Variants in GNAQ observed in about 807,000 individuals in gnomAD.
GNAQ encodes the protein G protein subunit alpha q.
Under a neutral mutation model 43.9 loss-of-function variants are expected in GNAQ, and 8 were observed. The ratio of observed to expected loss-of-function variants is 0.18; its 90% CI spans 0.11 to 0.33. The LOEUF is 0.33. GNAQ is among the 10% of genes least tolerant of loss of function. The pLI, the probability that GNAQ is intolerant of heterozygous loss-of-function variation, is 1.00. For synonymous variants in GNAQ, 155 were observed against 170.7 expected (o/e 0.91, Z 0.71); for missense variants, 158 against 450.8 (o/e 0.35, Z 5.88).
At chr9:77,888,528 T>C (rs1828347400) in intron 2 of GNAQ, among the ~76,000 whole-genome samples, 6 of 152,282 alleles carry the variant, frequency 3.9e-5, no homozygotes, top group Middle Eastern at 6.8e-3. Context: ...ATATTTAAAA[T>C]GTCTACTCAT....
chr9:77,724,872 A>C (rs1825373687), intron 6 of GNAQ, among the ~76,000 whole-genome samples: 3 of 151,992 alleles, frequency 2.0e-5, no homozygotes, highest in Admixed American at 2.0e-4. Flanking sequence ...GTATATATAC[A>C]AGCAAATATA....
chr9:77,998,984 C>CG (rs1211793783), intron 1 of GNAQ, among the ~76,000 whole-genome samples: 1 of 144,018 alleles, frequency 6.9e-6, no homozygotes, highest in African/African-American at 2.6e-5. Context: ...CCAGCTACTT[C>CG]GGGGGGCTGA....
chr9:77,797,853 C>G (rs1304872465), intron 3 of GNAQ, among the ~76,000 whole-genome samples: 2 of 152,188 alleles, frequency 1.3e-5, no homozygotes, highest in Non-Finnish European at 2.9e-5. Flanking sequence ...ATTACATACA[C>G]ACCATAGTTC....
At position 77,815,806 on chromosome 9, in the gene GNAQ, T is replaced by A. The variant is rs747884601; in HGVS notation, c.322-36A>T. The A allele has an allele frequency of 2.0e-6, 3 of 1,511,216 alleles. No individual in the cohort carries two copies. The Admixed American group carries it at 5.6e-5, about 28-fold the overall frequency. 93.6% of individuals were successfully genotyped at this position (1,511,216 alleles called of 1,614,324 possible). A position where few individuals can be genotyped will look rare whatever the true frequency, so the allele number is the denominator to read the frequency against. ...AAAAAAAGGCAGTTTTAATACCCTA[T>A]TACTTTCCAAATTTTCTTTGCTTTG... On this transcript the variant is annotated intron_variant, in intron 2 of 6. Transcript: ENST00000286548.
chr9:77,765,931 G>A (rs962505639), intron 5 of GNAQ, among the ~76,000 whole-genome samples: 2 of 152,208 alleles, frequency 1.3e-5, no homozygotes, highest in Admixed American at 6.5e-5. Context: ...ACACATGCAT[G>A]CTACATGAAT....
chr9:77,861,101 A>G (rs984034093), intron 2 of GNAQ, among the ~76,000 whole-genome samples: 1 of 152,172 alleles, frequency 6.6e-6, no homozygotes, highest in Non-Finnish European at 1.5e-5. Flanking sequence ...GAGGCCTCAC[A>G]ATCATGATGG....
In GNAQ at chr9:77,828,458, C is replaced by A. The variant is rs563052710; in HGVS notation, c.322-12688G>T. 1.1e-4 allele frequency among the ~76,000 whole-genome samples: 17 copies of A among 152,260 alleles called. No individual in the cohort carries two copies. In the South Asian group the frequency reaches 3.3e-3, roughly 30 times the overall value. Reference sequence around the variant, plus strand: ...TCCTACCCATCCTCCTGTAATTAAGCCTTTCCTAATTACTTTTTTCTTTTG... The same window carrying A: ...TCCTACCCATCCTCCTGTAATTAAGACTTTCCTAATTACTTTTTTCTTTTG... On this transcript the variant is annotated intron_variant, in intron 2 of 6. Coordinates refer to ENST00000286548, the MANE Select transcript of GNAQ (RefSeq NM_002072.5).
intron 1 of GNAQ, among the ~76,000 whole-genome samples, chr9:77,981,799 G>C (rs1823372177): frequency 6.6e-6 from 1 of 152,062 alleles, no homozygotes; most frequent in Non-Finnish European, 1.5e-5. Flanking sequence ...TTCCCATATA[G>C]AATAAAAACT....
At chr9:77,902,196 G>A (rs1828626681) in intron 2 of GNAQ, among the ~76,000 whole-genome samples, 1 of 152,196 alleles carries the variant, frequency 6.6e-6, no homozygotes, top group Non-Finnish European at 1.5e-5. Context: ...CTTTCAGAAT[G>A]TTCTTACACC....
chr9:77,903,349 T>C (rs1166848089), intron 2 of GNAQ, among the ~76,000 whole-genome samples: 1 of 152,164 alleles, frequency 6.6e-6, no homozygotes, highest in East Asian at 1.9e-4. Context: ...TCATCCTCAC[T>C]TCATCCTCAC....
rs187725178 is a variant in GNAQ at position 77,740,667 on chromosome 9, T to G, written c.736-12000A>C. On this transcript the variant is annotated intron_variant, in intron 5 of 6. Transcript: ENST00000286548. ...AATGAATTTGTTATATAATTAATAG[T>G]TGGTTTTCTTTTTAGTCTTTTCATT... 5.9e-5 allele frequency among the ~76,000 whole-genome samples: 9 copies of G among 152,286 alleles called. No individual in the cohort carries two copies. The East Asian group carries it at 1.7e-3, about 29-fold the overall frequency.
At chr9:77,959,089 A>G (rs955769433) in intron 1 of GNAQ, among the ~76,000 whole-genome samples, 3 of 152,222 alleles carry the variant, frequency 2.0e-5, no homozygotes, top group African/African-American at 7.2e-5. Context: ...CATCTCCATT[A>G]GAATCACGCA....
chr9:77,761,959 C>A (rs1368735938), intron 5 of GNAQ, among the ~76,000 whole-genome samples: 1 of 127,872 alleles, frequency 7.8e-6, no homozygotes, highest in East Asian at 2.3e-4. Flanking sequence ...GGGGGTCAGC[C>A]CCCCGCCCGG....
intron 1 of GNAQ, among the ~76,000 whole-genome samples, chr9:77,934,077 T>G (rs556255388): frequency 6.6e-6 from 1 of 152,308 alleles, no homozygotes; most frequent in South Asian, 2.1e-4. Context: ...TTTTCCACCT[T>G]ATTGCATATT....
chr9:77,804,708 T>C (rs1013023898), intron 3 of GNAQ, among the ~76,000 whole-genome samples: 1 of 151,996 alleles, frequency 6.6e-6, no homozygotes, highest in Admixed American at 6.6e-5. Flanking sequence ...GTGTTGGAGG[T>C]TGGGGAGCTC....
chr9:77,970,185 A>T (rs866642041), intron 1 of GNAQ, among the ~76,000 whole-genome samples: 1 of 151,128 alleles, frequency 6.6e-6, no homozygotes, highest in Non-Finnish European at 1.5e-5. Context: ...ATGCCACTCC[A>T]CTCCAGCCTA....
chr9:77,787,092 C>T (rs1826493570), intron 5 of GNAQ, among the ~76,000 whole-genome samples: 1 of 152,082 alleles, frequency 6.6e-6, no homozygotes. Flanking sequence ...ACACTCTTTG[C>T]TATTCTTTAT....
At chr9:77,931,389 G>A (rs969429459) in intron 1 of GNAQ, among the ~76,000 whole-genome samples, 5 of 151,822 alleles carry the variant, frequency 3.3e-5, no homozygotes, top group African/African-American at 7.3e-5. Flanking sequence ...TCAGGAGATC[G>A]AGACCATCCT....
intron 2 of GNAQ, among the ~76,000 whole-genome samples, chr9:77,909,932 G>A (rs985958804): frequency 1.3e-5 from 2 of 152,050 alleles, no homozygotes; most frequent in African/African-American, 2.4e-5. Context: ...ATTTTTTAAA[G>A]TGCATTTCTT....
Sources: gnomAD v4.1 joint callset for allele counts (sites outside exome capture counted in the v4.1 genomes callset) on GRCh38, gnomAD v4.1.1 for gene constraint, MANE v1.5 for transcripts, NCBI Gene and HGNC (gene_info 2026-07-23, HGNC 2026-07-21) for gene names.